ZFHX3: variants seen among roughly 807,000 people sequenced by gnomAD.
ZFHX3 encodes the protein zinc finger homeobox protein 3.
A neutral mutation model predicts 279.1 loss-of-function variants in ZFHX3; 42 were observed. The ratio of observed to expected loss-of-function variants is 0.15; its 90% CI spans 0.12 to 0.19. ZFHX3 has a LOEUF of 0.19. Ranked by LOEUF, ZFHX3 falls within the 10% of genes least tolerant of loss-of-function variation. The pLI, the probability that ZFHX3 is intolerant of heterozygous loss-of-function variation, is 1.00. For synonymous variants in ZFHX3, 2,293 were observed against 1,957.8 expected, an observed-to-expected ratio of 1.17 and a Z score of -4.52; for missense variants, 4,981 against 4,754.0, an observed-to-expected ratio of 1.05 and a Z score of -1.40.
At chr16:73,173,314 C>G (rs1004042651) in intron 5 of ZFHX3, among the ~76,000 whole-genome samples, 2 of 151,932 alleles carry the variant, frequency 1.3e-5, no homozygotes, top group East Asian at 1.9e-4. Flanking sequence ...CTTCCGTGGG[C>G]GACGGCTTGT....
chr16:73,186,735 T>C (rs1967919634), intron 5 of ZFHX3, among the ~76,000 whole-genome samples: 1 of 151,998 alleles, frequency 6.6e-6, no homozygotes, highest in Non-Finnish European at 1.5e-5. Flanking sequence ...GTTACACAAG[T>C]TAAAAAAAAT....
chr16:72,854,939 G>GT (rs376101622), intron 4 of ZFHX3, among the ~76,000 whole-genome samples: 1 of 18,860 alleles, frequency 5.3e-5, no homozygotes, highest in Non-Finnish European at 1.1e-4. Context: ...ATTGGTGGGT[G>GT]GGGGGGGGGT....
intron 3 of ZFHX3, among the ~76,000 whole-genome samples, chr16:72,940,085 A>T (rs1567594878): frequency 1.3e-5 from 2 of 150,236 alleles, no homozygotes; most frequent in African/African-American, 2.4e-5. Flanking sequence ...AATTTTTTAA[A>T]TTTTTTTATA....
chr16:73,368,534 T>G (rs988856770), intron 3 of ZFHX3, among the ~76,000 whole-genome samples: 1 of 152,182 alleles, frequency 6.6e-6, no homozygotes, highest in African/African-American at 2.4e-5. Flanking sequence ...TCAGTAGTTA[T>G]TAAACTATGA....
intron 1 of ZFHX3, among the ~76,000 whole-genome samples, chr16:73,752,577 A>G (rs1212218437): frequency 2.0e-5 from 3 of 152,078 alleles, no homozygotes; most frequent in Non-Finnish European, 2.9e-5. Context: ...TTTGGCAGCT[A>G]TCAATCCCAG....
At chr16:72,932,290 G>C (rs1407523605) in intron 3 of ZFHX3, among the ~76,000 whole-genome samples, 1 of 152,130 alleles carries the variant, frequency 6.6e-6, no homozygotes, top group Non-Finnish European at 1.5e-5. Context: ...TGTCAGTGAA[G>C]GTAACATCAT....
At chr16:73,016,950 G>A (rs2144639427) in intron 1 of ZFHX3, among the ~76,000 whole-genome samples, 1 of 152,170 alleles carries the variant, frequency 6.6e-6, no homozygotes, top group East Asian at 1.9e-4. Context: ...AGGGGGCTGG[G>A]CGCAGTGGTT....
At chr16:73,487,408 ATT>A (rs35394633) in intron 2 of ZFHX3, 911 of 379,416 alleles carry the variant, frequency 2.4e-3, no homozygotes, top group East Asian at 4.8e-3. Flanking sequence ...TATCTATGTG[ATT>A]TTTTTTTTTT....
At chr16:73,541,777 G>A (rs1158761004) in intron 2 of ZFHX3, among the ~76,000 whole-genome samples, 1 of 143,592 alleles carries the variant, frequency 7.0e-6, no homozygotes, top group Non-Finnish European at 1.5e-5. Flanking sequence ...CCTCCTGTTT[G>A]GTGGTTCTCT....
At chr16:73,500,039 C>T (rs1182847669) in intron 2 of ZFHX3, 11 of 152,196 alleles carry the variant, frequency 7.2e-5, no homozygotes, top group South Asian at 2.1e-4. Flanking sequence ...TACTGATTTA[C>T]GTATTTACTA....
chr16:72,787,756 C>T lies in ZFHX3; in HGVS notation c.10520G>A (p.Gly3507Asp). The change falls in exon 10 of 10, where the codon GGC becomes GAC. Residue 3507 changes from glycine (G) to aspartate (D), a missense_variant. Gly to Asp is a moderately conservative substitution (Grantham distance 94). This residue lies in a region of ZFHX3 where 1,034 missense variants were observed against 786.0 expected (regional missense o/e 1.32). Coordinates refer to ENST00000268489, the MANE Select transcript of ZFHX3 (RefSeq NM_006885.4). ...GCCGCCACTGCCACCGCCGCCGCCGCCGGTGGGGACGTGAAGCACCATCTC... is the reference window on the plus strand; with the variant it reads ...GCCGCCACTGCCACCGCCGCCGCCGTCGGTGGGGACGTGAAGCACCATCTC... ...LQEMVLHVPT[G>D]GGGGGSGGGG... 7.0e-7 allele frequency: 1 copy of T among 1,423,674 alleles called. No homozygotes were observed. The highest frequency in any genetic ancestry group is 9.2e-7 in the Non-Finnish European group (1 of 1,086,704). The allele number at this position is 1,423,674 out of a possible 1,614,324, so 88.2% of individuals were successfully genotyped here.
At chr16:73,754,995 T>A (rs1236942846) in intron 1 of ZFHX3, among the ~76,000 whole-genome samples, 1 of 152,206 alleles carries the variant, frequency 6.6e-6, no homozygotes, top group African/African-American at 2.4e-5. Context: ...TTTTGTTTAA[T>A]CTTCAAAGCA....
chr16:73,296,877 A>ATGTTTTTTTTG (rs755308796), intron 4 of ZFHX3, among the ~76,000 whole-genome samples: 1 of 116,068 alleles, frequency 8.6e-6, no homozygotes, highest in African/African-American at 3.5e-5. Flanking sequence ...TGAAGCAGGA[A>ATGTTTTTTTTG]TTTTTTTTTT....
At chr16:73,564,929 C>T (rs186338996) in intron 2 of ZFHX3, among the ~76,000 whole-genome samples, 2 of 152,306 alleles carry the variant, frequency 1.3e-5, no homozygotes, top group South Asian at 2.1e-4. Flanking sequence ...TTGGGGATGC[C>T]TCTAAGTCGT....
chr16:73,470,744 G>T (rs1259330516), intron 2 of ZFHX3, among the ~76,000 whole-genome samples: 1 of 152,194 alleles, frequency 6.6e-6, no homozygotes, highest in Non-Finnish European at 1.5e-5. Flanking sequence ...AAATGTGAAA[G>T]TATCATTAAC....
At position 72,796,580 on chromosome 16, in the gene ZFHX3, G is replaced by A. The variant is rs762628057; in HGVS notation, c.6102C>T (p.Pro2034=). The change falls in exon 9 of 10, where the codon CCC becomes CCT. Residue 2034 remains proline, a synonymous_variant. Transcript: ENST00000268489. The part of the protein sequence containing the change: ...DHYDKLYPLR[P]QTPEPPPPPP... ...GAGGTGGTGGTGGCTCTGGGGTCTG[G>A]GGCCTCAGTGGGTACAGTTTATCGT... 3.6e-5 allele frequency: 58 copies of A among 1,613,340 alleles called. No individual in the cohort carries two copies. Among genetic ancestry groups the A allele is most frequent in the Non-Finnish European group, 4.4e-5 (52 of 1,179,970 alleles).
chr16:73,615,512 G>C (rs753076833), intron 2 of ZFHX3, among the ~76,000 whole-genome samples: 3 of 152,206 alleles, frequency 2.0e-5, no homozygotes, highest in Non-Finnish European at 4.4e-5. Flanking sequence ...AAATCCTTTT[G>C]TAAGTGACTT....
chr16:73,884,856 G>T (rs1934564708), intron 1 of ZFHX3, among the ~76,000 whole-genome samples: 1 of 152,038 alleles, frequency 6.6e-6, no homozygotes, highest in African/African-American at 2.4e-5. Flanking sequence ...ATTGTTTATT[G>T]TCCTCTTCCC....
At chr16:73,682,254 A>T (rs1173747687) in intron 1 of ZFHX3, among the ~76,000 whole-genome samples, 1 of 152,210 alleles carries the variant, frequency 6.6e-6, no homozygotes, top group Non-Finnish European at 1.5e-5. Context: ...TGCCATGCTC[A>T]ATTATCATTA....
Sources: gnomAD v4.1 joint callset for allele counts (sites outside exome capture counted in the v4.1 genomes callset) on GRCh38, gnomAD v4.1.1 for gene constraint, gnomAD v4.1.1 regional missense constraint, MANE v1.5 for transcripts, NCBI Gene and HGNC (gene_info 2026-07-23, HGNC 2026-07-21) for gene names.